Variants in TSPAN9 observed in about 807,000 individuals in gnomAD.
TSPAN9 encodes the protein tetraspanin-9.
In TSPAN9, 16 loss-of-function variants were observed where a neutral mutation model predicts 31.0. The ratio of observed to expected loss-of-function variants is 0.52; its 90% confidence interval spans 0.35 to 0.78. The LOEUF (loss-of-function observed/expected upper bound fraction) is 0.78, where lower values mean the gene tolerates loss of function less well. Among genes scored for constraint, TSPAN9 ranks in the 30% least tolerant of loss-of-function variants. TSPAN9 has a pLI of 0.01. For missense variants in TSPAN9, 272 were observed against 312.5 expected (o/e 0.87, Z 0.98); for synonymous variants, 145 against 121.6 (o/e 1.19, Z -1.27).
Position 3,168,991 on chromosome 12 carries a change from C to T in TSPAN9, c.-17-32186C>T, listed in dbSNP as rs1159058295. 6.6e-6 allele frequency among the ~76,000 whole-genome samples: 1 copy of T among 152,208 alleles called. No homozygotes were observed. Among genetic ancestry groups the T allele is most frequent in the African/African-American group, 2.4e-5 (1 of 41,452 alleles). ...GGGAACATGAAGTGTGTGTACGCTT[C>T]TCTTTTCGTCATTTCTCTCCTCATT... On this transcript the variant is annotated intron_variant, in intron 2 of 8. Coordinates refer to ENST00000011898, the MANE Select transcript of TSPAN9 (RefSeq NM_006675.5). The surrounding 1 kb of genome is among the most constrained non-coding windows in gnomAD (Gnocchi z 4.0).
chr12:3,200,987 G>T (rs2098371213), intron 2 of TSPAN9, 190 bp from the exon 3 acceptor site: 2 of 584,900 alleles, frequency 3.4e-6, no homozygotes, highest in Admixed American at 3.1e-5. Flanking sequence ...CAAGGACTCG[G>T]ACTTTGCCAA....
Position 3,280,146 on chromosome 12 carries a change from C to T in TSPAN9, c.331-236C>T, listed in dbSNP as rs1401136542. On this transcript the variant is annotated intron_variant, in intron 5 of 8. Transcript: ENST00000011898. The surrounding 1 kb of genome is among the most constrained non-coding windows in gnomAD (Gnocchi z 4.5). ...CCCTGAGTTTAGCTCTGCCGGGAGG[C>T]GGTGGGTGCACCAGGGCCTGCTGTA... Among the ~76,000 whole-genome samples the T allele has an allele frequency of 1.3e-5, 2 of 151,982 alleles. No individual in the cohort carries two copies. The highest frequency in any genetic ancestry group is 1.9e-4 in the East Asian group (1 of 5,162).
At chr12:3,096,184 G>A (rs2098308734) in intron 2 of TSPAN9, among the ~76,000 whole-genome samples, 1 of 152,216 alleles carries the variant, frequency 6.6e-6, no homozygotes, top group African/African-American at 2.4e-5. Context: ...ATACAGTCTT[G>A]ATTCAAGTCA....
chr12:3,268,900 G>C (rs1483892086), intron 3 of TSPAN9, among the ~76,000 whole-genome samples: 1 of 103,688 alleles, frequency 9.6e-6, no homozygotes, highest in Non-Finnish European at 1.9e-5. Context: ...TGCCCTCTCT[G>C]TGTTCCTGCA....
chr12:3,273,476 C>T (rs1444627621), intron 3 of TSPAN9, among the ~76,000 whole-genome samples: 2 of 152,152 alleles, frequency 1.3e-5, no homozygotes, highest in Non-Finnish European at 1.5e-5. Flanking sequence ...GGGCCCAATC[C>T]CCTGAGTCAC....
intron 2 of TSPAN9, among the ~76,000 whole-genome samples, chr12:3,109,085 G>A (rs941699009): frequency 2.6e-5 from 4 of 151,882 alleles, no homozygotes; most frequent in Non-Finnish European, 4.4e-5. Context: ...ACAGGCACTC[G>A]CCACCACGCC....
chr12:3,274,196 C>T (rs992231537), intron 3 of TSPAN9, among the ~76,000 whole-genome samples: 4 of 152,198 alleles, frequency 2.6e-5, no homozygotes, highest in East Asian at 1.9e-4. Context: ...CAACCAAAAA[C>T]GTCCCCAGAC....
At chr12:3,263,470 A>G (rs1172796264) in intron 3 of TSPAN9, among the ~76,000 whole-genome samples, 1 of 152,158 alleles carries the variant, frequency 6.6e-6, no homozygotes, top group Non-Finnish European at 1.5e-5. Flanking sequence ...CTTCTCCTCC[A>G]TATGCTCTGG....
intron 2 of TSPAN9, chr12:3,199,893 G>C (rs1313593983): frequency 6.6e-6 from 1 of 152,390 alleles, no homozygotes; most frequent in East Asian, 1.9e-4. Context: ...AGTGTGTGTA[G>C]GTCTATCCGG....
intron 3 of TSPAN9, among the ~76,000 whole-genome samples, chr12:3,265,842 T>TA (rs1272649604): frequency 6.6e-6 from 1 of 152,196 alleles, no homozygotes; most frequent in African/African-American, 2.4e-5. Flanking sequence ...CAAATTGGGT[T>TA]AAAATCCCAG....
intron 3 of TSPAN9, among the ~76,000 whole-genome samples, chr12:3,253,816 G>C (rs1034840861): frequency 6.6e-6 from 1 of 152,230 alleles, no homozygotes; most frequent in African/African-American, 2.4e-5. Flanking sequence ...TCTGTCTGCT[G>C]TGCGTGGGCC....
intron 3 of TSPAN9, among the ~76,000 whole-genome samples, chr12:3,274,587 T>A (rs1862748835): frequency 6.6e-6 from 1 of 152,240 alleles, no homozygotes; most frequent in South Asian, 2.1e-4. Flanking sequence ...TGAAGGCTTC[T>A]GCACCAAATG....
chr12:3,148,629 A>G (rs183053883), intron 2 of TSPAN9, among the ~76,000 whole-genome samples: 39 of 152,348 alleles, frequency 2.6e-4, no homozygotes, highest in African/African-American at 8.9e-4. Context: ...TCTTTGTGGA[A>G]TCCAGAGACG....
intron 2 of TSPAN9, among the ~76,000 whole-genome samples, chr12:3,095,371 C>T (rs996186474): frequency 1.3e-5 from 2 of 151,008 alleles, no homozygotes; most frequent in African/African-American, 4.9e-5. Context: ...GGCCCGTTCT[C>T]AATGAGCTGT....
At chr12:3,228,816 CCAG>C (rs984878952) in intron 3 of TSPAN9, among the ~76,000 whole-genome samples, 1 of 152,204 alleles carries the variant, frequency 6.6e-6, no homozygotes, top group Non-Finnish European at 1.5e-5. Flanking sequence ...ATTCTGGAGG[CCAG>C]ATGTCTGAAA....
chr12:3,243,017 C>G (rs77587), intron 3 of TSPAN9, among the ~76,000 whole-genome samples: 45,290 of 152,112 alleles, frequency 0.3, 6,969 homozygotes, highest in East Asian at 0.52. Flanking sequence ...TAACCAGTCT[C>G]TGAATCAGCC....
At chr12:3,275,364 C>T (rs370447811) in intron 3 of TSPAN9, among the ~76,000 whole-genome samples, 5 of 152,162 alleles carry the variant, frequency 3.3e-5, no homozygotes, top group Non-Finnish European at 5.9e-5. Context: ...CCAGCTGCAG[C>T]GTGTGGGGGC....
At chr12:3,178,835 A>G (rs1022597140) in intron 2 of TSPAN9, among the ~76,000 whole-genome samples, 1 of 152,162 alleles carries the variant, frequency 6.6e-6, no homozygotes, top group African/African-American at 2.4e-5. Flanking sequence ...GCTGTGGGTC[A>G]GGCAGGTTAG....
intron 3 of TSPAN9, among the ~76,000 whole-genome samples, chr12:3,224,825 CT>C (rs1460091161): frequency 6.6e-6 from 1 of 152,234 alleles, no homozygotes; most frequent in Admixed American, 6.5e-5. Context: ...AGTGCTCTTC[CT>C]GTCTGGTAAA....
Sources: allele counts gnomAD v4.1 joint callset (sites outside exome capture counted in the v4.1 genomes callset), GRCh38; gene constraint gnomAD v4.1.1; non-coding constraint Gnocchi (gnomAD v3.1); transcripts MANE v1.5; gene names NCBI Gene and HGNC (gene_info 2026-07-23, HGNC 2026-07-21).